ATXN2: variants seen among roughly 807,000 people sequenced by gnomAD.
ATXN2 encodes ataxin-2.
Under a neutral mutation model 138.6 loss-of-function variants are expected in ATXN2, and 37 were observed. The ratio of observed to expected loss-of-function variants is 0.27; its 90% confidence interval spans 0.21 to 0.35. The LOEUF is 0.35. Ranked by LOEUF, ATXN2 falls within the 10% of genes least tolerant of loss-of-function variation. ATXN2 has a pLI of 1.00. For synonymous variants in ATXN2, 549 were observed against 543.7 expected, an observed-to-expected ratio of 1.01 and a Z score of -0.13; for missense variants, 1,216 against 1,480.3, an observed-to-expected ratio of 0.82 and a Z score of 2.93.
rs536809289 is a variant in ATXN2 at position 111,598,059 on chromosome 12, G to T, written c.251+725C>A. On this transcript the variant is annotated intron_variant, in intron 1 of 24. Coordinates refer to ENST00000673436, the MANE Select transcript of ATXN2 (RefSeq NM_001372574.1). The surrounding 1 kb of genome is among the most constrained non-coding windows in gnomAD (Gnocchi z 4.5). ...TCCCCACCCCTTCCCTTCCCCAGGTGGGGGAGGGTGGAACGCTGCCGGAGG... is the reference window on the plus strand; with the variant it reads ...TCCCCACCCCTTCCCTTCCCCAGGTTGGGGAGGGTGGAACGCTGCCGGAGG... 65 of 1,158,648 alleles carry T rather than the reference G, an allele frequency of 5.6e-5. No homozygotes were observed. The Middle Eastern group carries it at 1.6e-3, about 29-fold the overall frequency. The allele number at this position is 1,158,648 out of a possible 1,614,324, so 71.8% of individuals were successfully genotyped here.
intron 5 of ATXN2, among the ~76,000 whole-genome samples, chr12:111,539,301 T>C (rs1436997388): frequency 1.4e-5 from 2 of 145,476 alleles, no homozygotes; most frequent in Non-Finnish European, 3.1e-5. Flanking sequence ...CTGGGCAACA[T>C]AGTGGGACCT....
chr12:111,579,822 C>A (rs557900508), intron 1 of ATXN2, among the ~76,000 whole-genome samples: 4 of 151,782 alleles, frequency 2.6e-5, no homozygotes, highest in African/African-American at 7.3e-5. Context: ...TCTCAGCCCC[C>A]CCGAGTAGCT....
intron 1 of ATXN2, among the ~76,000 whole-genome samples, chr12:111,570,052 A>T (rs977872256): frequency 1.3e-5 from 2 of 152,214 alleles, no homozygotes; most frequent in African/African-American, 4.8e-5. Context: ...AATCAACATA[A>T]TTTTAAATTT....
rs750715026 is a variant in ATXN2 at position 111,598,996 on chromosome 12, C to T, written c.39G>A (p.Gln13=). 342 of 930,182 alleles carry T rather than the reference C, an allele frequency of 3.7e-4. No individual in the cohort carries two copies. The African/African-American group carries it at 6.7e-3, about 18-fold the overall frequency. 57.6% of individuals were successfully genotyped at this position (930,182 alleles called of 1,614,324 possible). A position where few individuals can be genotyped will look rare whatever the true frequency, so the allele number is the denominator to read the frequency against. The change falls in exon 1 of 25, where the codon CAG becomes CAA. Residue 13 remains glutamine, a synonymous_variant. Coordinates refer to ENST00000673436, the MANE Select transcript of ATXN2 (RefSeq NM_001372574.1). The surrounding 1 kb of genome is among the most constrained non-coding windows in gnomAD (Gnocchi z 4.5). ...GCTGCTGTTGCTGCTGCTGCTGCTG[C>T]TGCTGCTGCTGCTGCTGCTGCTGGG... ...LKPQQQQQQQ[Q]QQQQQQQQQQ... is the part of the protein sequence containing the mutation.
At chr12:111,520,656 A>G (rs531620019) in intron 7 of ATXN2, among the ~76,000 whole-genome samples, 2 of 152,250 alleles carry the variant, frequency 1.3e-5, no homozygotes, top group East Asian at 3.9e-4. Flanking sequence ...TCTCAAAAGA[A>G]AAAAAAAGAC....
At chr12:111,599,357 G>A (rs1253800220), upstream of ATXN2, 9 of 1,154,488 alleles carry the variant, frequency 7.8e-6, no homozygotes, top group Non-Finnish European at 9.6e-6. Context: ...GGGAGGGGCG[G>A]CGGAGGGATA....
intron 5 of ATXN2, among the ~76,000 whole-genome samples, chr12:111,543,170 C>A (rs1003860271): frequency 2.0e-5 from 3 of 152,056 alleles, no homozygotes; most frequent in African/African-American, 7.2e-5. Flanking sequence ...ACTGCTTGGC[C>A]CCAGAATGAA....
chr12:111,513,432 G>A lies in ATXN2; in HGVS notation c.1483C>T (p.Pro495Ser), dbSNP rs776989525. ...ACTGGAGGAGTAGCTGCTTCACTGG[G>A]TGGGTTGTGGGATACAAATTCTAGG... is the stretch of plus-strand genomic sequence containing the variant. The part of the protein sequence containing the change: ...SGLEFVSHNP[P>S]SEAATPPVAR... The change falls in exon 11 of 25, where the codon CCC (proline) becomes TCC (serine). Residue 495 changes from proline (P) to serine (S), a missense_variant. Pro to Ser is a moderately conservative substitution (Grantham distance 74). This residue lies in a region of ATXN2 where 215 missense variants were observed against 210.0 expected (regional missense o/e 1.02). Transcript: ENST00000673436. 5.3e-5 allele frequency: 86 copies of A among 1,613,930 alleles called. No individual in the cohort carries two copies. The highest frequency in any genetic ancestry group is 6.9e-5 in the Non-Finnish European group (82 of 1,180,022).
chr12:111,593,949 T>C (rs1884802216), intron 1 of ATXN2, among the ~76,000 whole-genome samples: 1 of 152,196 alleles, frequency 6.6e-6, no homozygotes, highest in Non-Finnish European at 1.5e-5. Flanking sequence ...AACGGCTAAA[T>C]ACCCAACCTT....
At chr12:111,572,451 C>T (rs1044239204) in intron 1 of ATXN2, among the ~76,000 whole-genome samples, 2 of 151,772 alleles carry the variant, frequency 1.3e-5, no homozygotes, top group South Asian at 2.1e-4. Context: ...GTTTGACAGG[C>T]CTTGGATTAG....
chr12:111,581,709 T>C lies in ATXN2; in HGVS notation c.251+17075A>G, dbSNP rs531516762. The C allele has an allele frequency of 3.1e-4, 205 of 671,144 alleles. No individual in the cohort carries two copies. In the East Asian group the frequency reaches 5.8e-3, roughly 19 times the overall value. The allele number at this position is 671,144 out of a possible 1,614,324, so 41.6% of individuals were successfully genotyped here. The stretch of plus-strand genomic sequence containing the variant: ...GCCAAGTGCCTGAACATCTGGGCCC[T>C]GATTGTGCGCATCATTACGACCATT... On this transcript the variant is annotated intron_variant, in intron 1 of 24. Coordinates refer to ENST00000673436, the MANE Select transcript of ATXN2 (RefSeq NM_001372574.1).
intron 14 of ATXN2, among the ~76,000 whole-genome samples, chr12:111,489,816 C>T (rs927807202): frequency 2.0e-5 from 3 of 151,954 alleles, no homozygotes; most frequent in Non-Finnish European, 4.4e-5. Context: ...AAGAAAAGCA[C>T]CAATGGCTGG....
At chr12:111,528,181 C>A (rs1880606434) in intron 5 of ATXN2, among the ~76,000 whole-genome samples, 1 of 152,212 alleles carries the variant, frequency 6.6e-6, no homozygotes, top group Non-Finnish European at 1.5e-5. Context: ...GTATTAAAAA[C>A]AATACTCTTT....
intron 5 of ATXN2, among the ~76,000 whole-genome samples, chr12:111,531,810 C>A (rs191335859): frequency 6.6e-6 from 1 of 152,228 alleles, no homozygotes; most frequent in Non-Finnish European, 1.5e-5. Flanking sequence ...GGATTCTTAG[C>A]CTTTTTCTTA....
At chr12:111,549,272 A>T (rs1881996910) in intron 5 of ATXN2, among the ~76,000 whole-genome samples, 4 of 152,082 alleles carry the variant, frequency 2.6e-5, no homozygotes, top group South Asian at 4.1e-4. Flanking sequence ...AATAAAAAAT[A>T]AAAAAAATCT....
chr12:111,526,774 T>C (rs1306350181), intron 5 of ATXN2, among the ~76,000 whole-genome samples: 1 of 152,230 alleles, frequency 6.6e-6, no homozygotes, highest in Non-Finnish European at 1.5e-5. Context: ...GCCAAATATA[T>C]GTGGATTTTG....
intron 1 of ATXN2, among the ~76,000 whole-genome samples, chr12:111,567,187 T>C (rs923344993): frequency 6.6e-6 from 1 of 152,236 alleles, no homozygotes; most frequent in African/African-American, 2.4e-5. Context: ...ACTGTTGAAA[T>C]GACAACAAAA....
At chr12:111,565,414 A>T (rs952736547) in intron 1 of ATXN2, among the ~76,000 whole-genome samples, 2 of 152,210 alleles carry the variant, frequency 1.3e-5, no homozygotes, top group Non-Finnish European at 2.9e-5. Context: ...TATACGTTAT[A>T]GTAATCTGTA....
At chr12:111,534,393 C>A (rs1348068151) in intron 5 of ATXN2, among the ~76,000 whole-genome samples, 2 of 152,046 alleles carry the variant, frequency 1.3e-5, no homozygotes, top group Non-Finnish European at 1.5e-5. Flanking sequence ...TAGAGTGAGA[C>A]CCCGTATATA....
Sources: allele counts gnomAD v4.1 joint callset (sites outside exome capture counted in the v4.1 genomes callset), GRCh38; gene constraint gnomAD v4.1.1; regional missense constraint gnomAD v4.1.1; non-coding constraint Gnocchi (gnomAD v3.1); transcripts MANE v1.5; gene names NCBI Gene and HGNC (gene_info 2026-07-23, HGNC 2026-07-21).